The following FAM8A1 variants were observed in gnomAD, a reference collection of about 807,000 sequenced individuals.
FAM8A1 encodes the protein protein FAM8A1.
FAM8A1 carries 18 observed loss-of-function variants against 38.3 expected under a neutral mutation model. That is an observed-to-expected ratio of 0.47 (90% CI 0.33 to 0.70). The LOEUF (loss-of-function observed/expected upper bound fraction) is 0.70, where lower values mean the gene tolerates loss of function less well. FAM8A1 is among the 30% of genes least tolerant of loss of function. The pLI is 0.03. For missense variants in FAM8A1, 559 were observed against 559.6 expected (o/e 1.00, Z 0.01); for synonymous variants, 246 against 234.4 (o/e 1.05, Z -0.45).
chr6:17,610,338 G>T lies in FAM8A1; in HGVS notation c.*1999G>T, dbSNP rs999554204. On this transcript the variant is annotated 3_prime_UTR_variant, in exon 5 of 5. Transcript: ENST00000259963. ...AGTCCAGTTTAATTTTTTGTACTTA[G>T]AATATTGCACATTTTCTATATATGA... 6.6e-6 allele frequency: 1 copy of T among 151,966 alleles called. No individual in the cohort carries two copies. Among genetic ancestry groups the T allele is most frequent in the Non-Finnish European group, 1.5e-5 (1 of 67,954 alleles). The allele number at this position is 151,966 out of a possible 1,614,324, so 9.4% of individuals were successfully genotyped here.
At position 17,611,684 on chromosome 6, in the gene FAM8A1, ATTAT is replaced by A. The variant is rs1376318616; in HGVS notation, c.*3348_*3351del. ...AATAATTTGTATGCCACCAATTTGT[ATTAT>A]TTGTCTCAATAAATACTTAGTCATC... On this transcript the variant is annotated 3_prime_UTR_variant, in exon 5 of 5. Coordinates refer to ENST00000259963, the MANE Select transcript of FAM8A1 (RefSeq NM_016255.3). The A allele has an allele frequency of 2.6e-5, 4 of 152,158 alleles. No homozygotes were observed. Among genetic ancestry groups the A allele is most frequent in the African/African-American group, 9.7e-5 (4 of 41,444 alleles). The allele number at this position is 152,158 out of a possible 1,614,324, so 9.4% of individuals were successfully genotyped here.
Position 17,602,629 on chromosome 6 carries a change from T to C in FAM8A1, c.752T>C (p.Met251Thr), listed in dbSNP as rs1477225127. Residue 251 changes from methionine (M) to threonine (T), a missense_variant, in exon 2 of 5, where the codon ATG becomes ACG. Transcript: ENST00000259963. Reference protein sequence around the residue: ...YVIPSLAHRFMAEMVDFFILF... With the variant: ...YVIPSLAHRFTAEMVDFFILF... Reference sequence around the variant, plus strand: ...ATTCCATCCTTGGCCCACAGATTTATGGCAGAGATGGTGGATTTCTTTATT... The same window carrying C: ...ATTCCATCCTTGGCCCACAGATTTACGGCAGAGATGGTGGATTTCTTTATT... 6.2e-7 allele frequency: 1 copy of C among 1,613,230 alleles called. No homozygotes were observed. The highest frequency in any genetic ancestry group is 8.5e-7 in the Non-Finnish European group (1 of 1,179,820).
At chr6:17,607,167 G>T (rs1026383479) in intron 4 of FAM8A1, among the ~76,000 whole-genome samples, 1 of 150,422 alleles carries the variant, frequency 6.6e-6, no homozygotes, top group Non-Finnish European at 1.5e-5. Flanking sequence ...GCTGAGGCAG[G>T]AGAATGGCAT....
chr6:17,601,265 G>A (rs1763982573), intron 1 of FAM8A1, 144 bp downstream of exon 1: 1 of 1,172,050 alleles, frequency 8.5e-7, no homozygotes, highest in Non-Finnish European at 1.2e-6. Context: ...GCTATCGTTT[G>A]TCCAGGCCCT....
chr6:17,607,303 CTACT>C (rs1251767758), intron 4 of FAM8A1, among the ~76,000 whole-genome samples: 2 of 151,174 alleles, frequency 1.3e-5, no homozygotes, highest in Admixed American at 1.3e-4. Context: ...ATAAACCTAC[CTACT>C]TCTTTTAATA....
Position 17,608,180 on chromosome 6 carries a change from G to GT in FAM8A1, c.1098-11dup. ...GATGTGTAACTTACCTGATATTTTTGTTTTAACTTTTTAGGTCCACTATCC... is the reference window on the plus strand; with the variant it reads ...GATGTGTAACTTACCTGATATTTTTGTTTTTAACTTTTTAGGTCCACTATCC... On this transcript the variant is annotated splice_polypyrimidine_tract_variant and intron_variant, in intron 4 of 4. Coordinates refer to ENST00000259963, the MANE Select transcript of FAM8A1 (RefSeq NM_016255.3). 6.2e-7 allele frequency: 1 copy of GT among 1,611,180 alleles called. No individual in the cohort carries two copies. The highest frequency in any genetic ancestry group is 8.5e-7 in the Non-Finnish European group (1 of 1,178,994).
rs747799657 is a variant in FAM8A1, at chr6:17,601,016, G to A, written c.607G>A (p.Gly203Arg). 7 of 1,587,904 alleles carry A rather than the reference G, an allele frequency of 4.4e-6. No individual in the cohort carries two copies. Among genetic ancestry groups the A allele is most frequent in the Non-Finnish European group, 6.0e-6 (7 of 1,169,568 alleles). ...CACCCCTGCTCCAGTCGCGGGCCTG[G>A]GACCCCGGGCTCCTCACGTGCAGGC... ...ISTPAPVAGL[G>R]PRAPHVQASV... Residue 203 changes from glycine to arginine, a missense_variant, in exon 1 of 5, where the codon GGA becomes AGA. Coordinates refer to ENST00000259963, the MANE Select transcript of FAM8A1 (RefSeq NM_016255.3).
rs190465234 is a variant in FAM8A1 at position 17,601,066 on chromosome 6, G to C, written c.657G>C (p.Thr219=). ...CGTCGGTCCGGGCCACTCCAGTGACGAGGGTAGGATCCGCAGCCCCTTCGC... is the reference window on the plus strand; with the variant it reads ...CGTCGGTCCGGGCCACTCCAGTGACCAGGGTAGGATCCGCAGCCCCTTCGC... The part of the protein sequence containing the change: ...VQASVRATPV[T]RVGSAAPSRS... The change falls in exon 1 of 5, where the codon ACG becomes ACC. Residue 219 remains threonine, a synonymous_variant. Transcript: ENST00000259963. The C allele has an allele frequency of 1.9e-6, 3 of 1,598,768 alleles. No individual in the cohort carries two copies. The highest frequency in any genetic ancestry group is 2.3e-5 in the South Asian group (2 of 88,774).
chr6:17,600,994 C>G lies in FAM8A1; in HGVS notation c.585C>G (p.Thr195=). 1.3e-6 allele frequency: 2 copies of G among 1,591,394 alleles called. No homozygotes were observed. Among genetic ancestry groups the G allele is most frequent in the Non-Finnish European group, 1.7e-6 (2 of 1,170,992 alleles). Residue 195 remains threonine (T), a synonymous_variant, in exon 1 of 5, where the codon ACC becomes ACG. Coordinates refer to ENST00000259963, the MANE Select transcript of FAM8A1 (RefSeq NM_016255.3). ...PDPRTAAGIS[T]PAPVAGLGPR... is the part of the protein sequence containing the mutation. ...CGCGGACAGCTGCCGGCATCAGCAC[C>G]CCTGCTCCAGTCGCGGGCCTGGGAC...
Position 17,608,940 on chromosome 6 carries a change from A to G in FAM8A1, c.*601A>G, listed in dbSNP as rs1017524035. Reference sequence around the variant, plus strand: ...AATCCATACTGCAGTTCCCTCTCGTAATGATGTAACTTTACAACTATTCTT... The same window carrying G: ...AATCCATACTGCAGTTCCCTCTCGTGATGATGTAACTTTACAACTATTCTT... On this transcript the variant is annotated 3_prime_UTR_variant, in exon 5 of 5. Coordinates refer to ENST00000259963, the MANE Select transcript of FAM8A1 (RefSeq NM_016255.3). 2.0e-5 allele frequency: 3 copies of G among 152,184 alleles called. No homozygotes were observed. Among genetic ancestry groups the G allele is most frequent in the African/African-American group, 4.8e-5 (2 of 41,434 alleles). The allele number at this position is 152,184 out of a possible 1,614,324, so 9.4% of individuals were successfully genotyped here.
Position 17,605,878 on chromosome 6 carries a change from T to C in FAM8A1, c.962T>C (p.Ile321Thr). 2 of 1,511,302 alleles carry C rather than the reference T, an allele frequency of 1.3e-6. No individual in the cohort carries two copies. Among genetic ancestry groups the C allele is most frequent in the Non-Finnish European group, 1.8e-6 (2 of 1,120,384 alleles). 93.6% of individuals were successfully genotyped at this position (1,511,302 alleles called of 1,614,324 possible). ...AAATCATCCTTCTTTCCTTAGATAA[T>C]TTGCATTTGGGGAGCAGGTGGAGCT... ...YRLLVCFYEI[I>T]CIWGAGGATP... is the part of the protein sequence containing the mutation. The change falls in exon 4 of 5, where the codon ATT (isoleucine) becomes ACT (threonine). Residue 321 changes from isoleucine to threonine, a missense_variant. Around this residue, in one of 2 missense-constraint regions of FAM8A1, gnomAD observed 166 missense variants for 220.8 expected, o/e 0.75. Transcript: ENST00000259963.
At chr6:17,603,825 A>G (rs184288674) in intron 2 of FAM8A1, among the ~76,000 whole-genome samples, 1 of 152,082 alleles carries the variant, frequency 6.6e-6, no homozygotes, top group East Asian at 1.9e-4. Flanking sequence ...GGCTCAAATG[A>G]TCCTCCTGCC....
At position 17,610,367 on chromosome 6, in the gene FAM8A1, A is replaced by G. The variant is rs1176339998; in HGVS notation, c.*2028A>G. On this transcript the variant is annotated 3_prime_UTR_variant, in exon 5 of 5. Coordinates refer to ENST00000259963, the MANE Select transcript of FAM8A1 (RefSeq NM_016255.3). ...ATTGCACATTTTCTATATATGAGTT[A>G]TTCAGATTAGTATCTATGTAGGTTC... The G allele has an allele frequency of 6.6e-6, 1 of 152,196 alleles. No individual in the cohort carries two copies. Among genetic ancestry groups the G allele is most frequent in the Admixed American group, 6.5e-5 (1 of 15,270 alleles). The allele number at this position is 152,196 out of a possible 1,614,324, so 9.4% of individuals were successfully genotyped here.
rs568604997 is a variant in FAM8A1 at position 17,600,593 on chromosome 6, G to T, written c.184G>T (p.Ala62Ser). 1.3e-6 allele frequency: 2 copies of T among 1,490,528 alleles called. No homozygotes were observed. The highest frequency in any genetic ancestry group is 1.8e-6 in the Non-Finnish European group (2 of 1,125,142). The allele number at this position is 1,490,528 out of a possible 1,614,324, so 92.3% of individuals were successfully genotyped here. Residue 62 changes from alanine (A) to serine (S), a missense_variant, in exon 1 of 5, where the codon GCC (alanine) becomes TCC (serine). By Grantham distance (99) the Ala-to-Ser change is moderately conservative. Around this residue, in one of 2 missense-constraint regions of FAM8A1, gnomAD observed 393 missense variants for 338.9 expected, o/e 1.16. Coordinates refer to ENST00000259963, the MANE Select transcript of FAM8A1 (RefSeq NM_016255.3). The stretch of plus-strand genomic sequence containing the variant: ...CACAGCCCCGGGCCTCGCGGCTGCC[G>T]CCGCAGCCGACAAATTGGAGCCGCC... ...RPTAPGLAAA[A>S]AADKLEPPRE...
At position 17,610,887 on chromosome 6, in the gene FAM8A1, AATT is replaced by A. The variant is rs1764132705; in HGVS notation, c.*2551_*2553del. ...AGAAAATCTCAGTTCCCACCAGTAAAATTATCCTGAGTAGCTAATGCACCTTGA... is the reference window on the plus strand; with the variant it reads ...AGAAAATCTCAGTTCCCACCAGTAAAATCCTGAGTAGCTAATGCACCTTGA... On this transcript the variant is annotated 3_prime_UTR_variant, in exon 5 of 5. Coordinates refer to ENST00000259963, the MANE Select transcript of FAM8A1 (RefSeq NM_016255.3). 1 of 152,150 alleles carries A rather than the reference AATT, an allele frequency of 6.6e-6. No individual in the cohort carries two copies. 9.4% of individuals were successfully genotyped at this position (152,150 alleles called of 1,614,324 possible). A position where few individuals can be genotyped will look rare whatever the true frequency, so the allele number is the denominator to read the frequency against.
At chr6:17,602,524 C>T in intron 1 of FAM8A1, 66 bp from the exon 2 acceptor site, 1 of 1,499,576 alleles carries the variant, frequency 6.7e-7, no homozygotes, top group Non-Finnish European at 8.9e-7. Context: ...CATTACATGG[C>T]TTGTGTTCCA....
At position 17,601,100 on chromosome 6, in the gene FAM8A1, A is replaced by G; in HGVS notation, c.691A>G (p.Ser231Gly). 1 of 1,596,226 alleles carries G rather than the reference A, an allele frequency of 6.3e-7. No homozygotes were observed. Among genetic ancestry groups the G allele is most frequent in the Non-Finnish European group, 8.5e-7 (1 of 1,173,966 alleles). ...ATCCGCAGCCCCTTCGCGAAGCCCG[A>G]GCGAGACCGGGCGACAGGCAGGTGA... is the stretch of plus-strand genomic sequence containing the variant. ...VGSAAPSRSPSETGRQAGREY... is the reference protein window; with the variant it reads ...VGSAAPSRSPGETGRQAGREY... The change falls in exon 1 of 5, where the codon AGC becomes GGC. Residue 231 changes from serine to glycine, a missense_variant. By Grantham distance (56) the Ser-to-Gly change is moderately conservative. Coordinates refer to ENST00000259963, the MANE Select transcript of FAM8A1 (RefSeq NM_016255.3).
chr6:17,603,990 ATCCAG>A (rs1764020192), intron 2 of FAM8A1, among the ~76,000 whole-genome samples: 2 of 152,034 alleles, frequency 1.3e-5, no homozygotes, highest in South Asian at 4.2e-4. Flanking sequence ...TTTTATCTCA[ATCCAG>A]TCTCTGATAT....
rs1764089183 is a variant in FAM8A1, at chr6:17,608,450, G to A, written c.*111G>A. The A allele has an allele frequency of 8.2e-7, 1 of 1,219,274 alleles. No individual in the cohort carries two copies. The allele number at this position is 1,219,274 out of a possible 1,614,324, so 75.5% of individuals were successfully genotyped here. A position where few individuals can be genotyped will look rare whatever the true frequency, so the allele number is the denominator to read the frequency against. On this transcript the variant is annotated 3_prime_UTR_variant, in exon 5 of 5. Coordinates refer to ENST00000259963, the MANE Select transcript of FAM8A1 (RefSeq NM_016255.3). ...TTTAGAAATTAAAGCAGTCACTCCA[G>A]TGTGATGCAGGTGACTACTCTGAAA...
Sources: gnomAD v4.1 joint callset for allele counts (sites outside exome capture counted in the v4.1 genomes callset) on GRCh38, gnomAD v4.1.1 for gene constraint, gnomAD v4.1.1 regional missense constraint, MANE v1.5 for transcripts, NCBI Gene and HGNC (gene_info 2026-07-23, HGNC 2026-07-21) for gene names.